CELF4: variants seen among roughly 807,000 people sequenced by gnomAD.
The protein encoded by CELF4 is CUG-BP- and ETR-3-like factor 4.
Under a neutral mutation model 59.9 loss-of-function variants are expected in CELF4, and 18 were observed. That is an observed-to-expected ratio of 0.30 (90% confidence interval 0.21 to 0.45). The LOEUF is 0.45. Among genes scored for constraint, CELF4 ranks in the 20% least tolerant of loss-of-function variants. The pLI is 1.00. For synonymous variants in CELF4, 261 were observed against 267.1 expected, an observed-to-expected ratio of 0.98 and a Z score of 0.22; for missense variants, 456 against 689.0, an observed-to-expected ratio of 0.66 and a Z score of 3.79.
chr18:37,509,621 G>C (rs1295678552), intron 1 of CELF4, among the ~76,000 whole-genome samples: 3 of 152,256 alleles, frequency 2.0e-5, no homozygotes, highest in Admixed American at 6.5e-5. Flanking sequence ...CAAACAATAA[G>C]AAGGCATAAG....
At chr18:37,483,531 A>C (rs143578161) in intron 2 of CELF4, among the ~76,000 whole-genome samples, 1 of 151,744 alleles carries the variant, frequency 6.6e-6, no homozygotes, top group Non-Finnish European at 1.5e-5. Context: ...CCCAACATAC[A>C]CTCACGTTTC....
intron 2 of CELF4, among the ~76,000 whole-genome samples, chr18:37,470,393 A>T (rs2099818100): frequency 6.6e-6 from 1 of 152,210 alleles, no homozygotes; most frequent in Non-Finnish European, 1.5e-5. Context: ...CTCAAAAGTA[A>T]TAAAACTTCA....
chr18:37,261,485 A>G (rs972345756), intron 10 of CELF4, among the ~76,000 whole-genome samples: 1 of 152,228 alleles, frequency 6.6e-6, no homozygotes, highest in African/African-American at 2.4e-5. Flanking sequence ...CCCAGGCCTG[A>G]CGAAGAAGCC....
chr18:37,488,749 C>G (rs934992400), intron 1 of CELF4, among the ~76,000 whole-genome samples: 6 of 152,234 alleles, frequency 3.9e-5, no homozygotes, highest in African/African-American at 1.4e-4. Context: ...AAACCCCTTT[C>G]CTCCCCTTCC....
intron 2 of CELF4, among the ~76,000 whole-genome samples, chr18:37,334,883 C>G (rs900289222): frequency 2.6e-5 from 4 of 152,286 alleles, no homozygotes; most frequent in African/African-American, 9.6e-5. Flanking sequence ...CCCTACGCCA[C>G]AGCCTGATGA....
At chr18:37,393,947 T>G (rs910556234) in intron 2 of CELF4, among the ~76,000 whole-genome samples, 2 of 133,534 alleles carry the variant, frequency 1.5e-5, no homozygotes, top group South Asian at 2.5e-4. Context: ...CCCCACCTCC[T>G]CCGAGCGGAG....
intron 1 of CELF4, among the ~76,000 whole-genome samples, chr18:37,560,462 C>G (rs2099986215): frequency 6.6e-6 from 1 of 152,116 alleles, no homozygotes; most frequent in South Asian, 2.1e-4. Context: ...CTTTGATATG[C>G]TTTAGGTTTG....
chr18:37,267,961 C>T (rs553124954), intron 8 of CELF4, among the ~76,000 whole-genome samples: 6 of 152,080 alleles, frequency 3.9e-5, no homozygotes, highest in South Asian at 2.1e-4. Context: ...CACTTGAACC[C>T]GGGAGGCGGA....
intron 1 of CELF4, among the ~76,000 whole-genome samples, chr18:37,541,886 A>G (rs1320908916): frequency 2.6e-5 from 4 of 152,116 alleles, no homozygotes; most frequent in East Asian, 3.9e-4. Flanking sequence ...TGCCTCATCC[A>G]TATGTTTTAA....
chr18:37,538,291 T>C (rs1257201680), intron 1 of CELF4, among the ~76,000 whole-genome samples: 1 of 152,230 alleles, frequency 6.6e-6, no homozygotes, highest in Non-Finnish European at 1.5e-5. Context: ...GATTCTTCAC[T>C]GGCTGTGTAG....
chr18:37,262,288 T>C (rs1222387030), intron 10 of CELF4, among the ~76,000 whole-genome samples: 1 of 151,084 alleles, frequency 6.6e-6, no homozygotes, highest in African/African-American at 2.4e-5. Flanking sequence ...CCATGGACCA[T>C]GGCCTGGGAG....
chr18:37,423,081 C>G (rs1184398951), intron 2 of CELF4, among the ~76,000 whole-genome samples: 5 of 137,846 alleles, frequency 3.6e-5, no homozygotes, highest in African/African-American at 1.3e-4. Context: ...CACACACACA[C>G]AGAGACAGAG....
intron 2 of CELF4, among the ~76,000 whole-genome samples, chr18:37,365,705 C>T (rs1456880106): frequency 5.9e-5 from 9 of 151,956 alleles, no homozygotes; most frequent in Admixed American, 4.6e-4. Context: ...AGACTGGTCT[C>T]GAACTCCTGA....
intron 1 of CELF4, among the ~76,000 whole-genome samples, chr18:37,507,937 T>G (rs2099939989): frequency 6.6e-6 from 1 of 151,848 alleles, no homozygotes; most frequent in Non-Finnish European, 1.5e-5. Flanking sequence ...TCTACATTCC[T>G]CCCCCTTCAT....
chr18:37,421,258 A>G (rs888174326), intron 2 of CELF4, among the ~76,000 whole-genome samples: 5 of 152,250 alleles, frequency 3.3e-5, no homozygotes, highest in East Asian at 1.9e-4. Flanking sequence ...TGTTATGAGT[A>G]GGGCTGGGAT....
intron 2 of CELF4, among the ~76,000 whole-genome samples, chr18:37,427,879 T>C (rs1372538793): frequency 1.3e-5 from 2 of 152,218 alleles, no homozygotes; most frequent in Non-Finnish European, 2.9e-5. Flanking sequence ...TCCCATACAA[T>C]GTTTTGCTGT....
intron 2 of CELF4, among the ~76,000 whole-genome samples, chr18:37,470,965 G>T (rs909542954): frequency 6.7e-6 from 1 of 149,110 alleles, no homozygotes; most frequent in African/African-American, 2.5e-5. Flanking sequence ...GAATGTCAAA[G>T]AAATCCCTAC....
intron 3 of CELF4, 57 bp from the exon 4 acceptor site, chr18:37,275,300 G>A: frequency 6.3e-7 from 1 of 1,594,522 alleles, no homozygotes; most frequent in East Asian, 2.3e-5. Context: ...CGCGGGAGCA[G>A]GGCAAGGCCG....
intron 1 of CELF4, among the ~76,000 whole-genome samples, chr18:37,508,312 G>A (rs2099940476): frequency 6.6e-6 from 1 of 152,188 alleles, no homozygotes; most frequent in South Asian, 2.1e-4. Flanking sequence ...TCTGGAATCA[G>A]GACATGGGAT....
Sources: gnomAD v4.1 joint callset for allele counts (sites outside exome capture counted in the v4.1 genomes callset) on GRCh38, gnomAD v4.1.1 for gene constraint, MANE v1.5 for transcripts, NCBI Gene and HGNC (gene_info 2026-07-23, HGNC 2026-07-21) for gene names.